SMAD2: variants seen among roughly 807,000 people sequenced by gnomAD.
The protein encoded by SMAD2 is SMAD family member 2.
SMAD2 carries 8 observed loss-of-function variants against 64.4 expected under a neutral mutation model. The observed-to-expected ratio is 0.12, with a 90% CI of 0.07 to 0.22. SMAD2 has a LOEUF of 0.22. Ranked by LOEUF, SMAD2 falls within the 10% of genes least tolerant of loss-of-function variation. SMAD2 has a pLI of 1.00. For synonymous variants in SMAD2, 203 were observed against 195.8 expected, an observed-to-expected ratio of 1.04 and a Z score of -0.31; for missense variants, 289 against 561.2, an observed-to-expected ratio of 0.51 and a Z score of 4.90.
Position 47,836,851 on chromosome 18 carries a change from C to T in SMAD2, c.*4976G>A, listed in dbSNP as rs1274614290. On this transcript the variant is annotated 3_prime_UTR_variant, in exon 11 of 11. Transcript: ENST00000262160. ...TTCCACTCCAAGAGATAATTTGCCCCTCAATCCCTACAAAGTGTAGTCTAA... is the reference window on the plus strand; with the variant it reads ...TTCCACTCCAAGAGATAATTTGCCCTTCAATCCCTACAAAGTGTAGTCTAA... The T allele has an allele frequency of 4.7e-6, 1 of 212,386 alleles. No homozygotes were observed. Among genetic ancestry groups the T allele is most frequent in the Non-Finnish European group, 9.5e-6 (1 of 105,080 alleles). The allele number at this position is 212,386 out of a possible 1,614,324, so 13.2% of individuals were successfully genotyped here. A position where few individuals can be genotyped will look rare whatever the true frequency, so the allele number is the denominator to read the frequency against.
intron 1 of SMAD2, among the ~76,000 whole-genome samples, chr18:47,925,791 G>A (rs967609629): frequency 2.0e-5 from 3 of 152,208 alleles, no homozygotes; most frequent in Non-Finnish European, 4.4e-5. Context: ...ATCTGATGGT[G>A]TAGATGGTTT....
rs750319299 is a variant in SMAD2 at position 47,836,333 on chromosome 18, GTA to G, written c.*5492_*5493del. The G allele has an allele frequency of 3.6e-5, 8 of 223,084 alleles. No individual in the cohort carries two copies. The highest frequency in any genetic ancestry group is 7.2e-5 in the Non-Finnish European group (8 of 111,734). 13.8% of individuals were successfully genotyped at this position (223,084 alleles called of 1,614,324 possible). On this transcript the variant is annotated 3_prime_UTR_variant, in exon 11 of 11. Transcript: ENST00000262160. ...TAGTACATCCCAGAATCTGCTGGAT[GTA>G]TAATAATTTAGTAACGGGGTATATG...
intron 6 of SMAD2, among the ~76,000 whole-genome samples, chr18:47,854,222 T>A (rs1792655): frequency 6.6e-6 from 1 of 151,946 alleles, no homozygotes; most frequent in African/African-American, 2.4e-5. Flanking sequence ...TGAGATCCAG[T>A]GTGAATTAGC....
chr18:47,917,727 G>T (rs1303111867), intron 1 of SMAD2, among the ~76,000 whole-genome samples: 5 of 152,090 alleles, frequency 3.3e-5, no homozygotes, highest in East Asian at 1.9e-4. Flanking sequence ...AAACCATAAA[G>T]AATTTTTTTT....
In SMAD2 at chr18:47,833,720, T is replaced by C. The variant is rs1913138175; in HGVS notation, c.*8107A>G. 4.3e-6 allele frequency: 1 copy of C among 231,124 alleles called. No homozygotes were observed. Among genetic ancestry groups the C allele is most frequent in the East Asian group, 6.1e-5 (1 of 16,422 alleles). The allele number at this position is 231,124 out of a possible 1,614,324, so 14.3% of individuals were successfully genotyped here. On this transcript the variant is annotated 3_prime_UTR_variant, in exon 11 of 11. Transcript: ENST00000262160. ...ACTTGCCATTGGCTGATGCATTTAATCATTTTAACACAACATTCACGGAAA... is the reference window on the plus strand; with the variant it reads ...ACTTGCCATTGGCTGATGCATTTAACCATTTTAACACAACATTCACGGAAA...
intron 2 of SMAD2, among the ~76,000 whole-genome samples, chr18:47,879,317 A>G (rs1423217421): frequency 6.6e-6 from 1 of 152,114 alleles, no homozygotes; most frequent in Non-Finnish European, 1.5e-5. Context: ...ACCCATGTCC[A>G]TTTCTCAATG....
rs1310140689 is a variant in SMAD2 at position 47,814,769 on chromosome 18, G to A, written c.*27058C>T. On this transcript the variant is annotated 3_prime_UTR_variant, in exon 11 of 11. Transcript: ENST00000262160. Reference sequence around the variant, plus strand: ...AGGTGTCTAGTCAGTCTGAGAAAATGTTGGCTTCCCAAAGCTTGAGCAAGA... The same window carrying A: ...AGGTGTCTAGTCAGTCTGAGAAAATATTGGCTTCCCAAAGCTTGAGCAAGA... 2 of 152,258 alleles carry A rather than the reference G, an allele frequency of 1.3e-5. No homozygotes were observed. Among genetic ancestry groups the A allele is most frequent in the Non-Finnish European group, 2.9e-5 (2 of 68,098 alleles). The allele number at this position is 152,258 out of a possible 1,614,324, so 9.4% of individuals were successfully genotyped here.
intron 1 of SMAD2, among the ~76,000 whole-genome samples, chr18:47,904,396 C>T (rs1016135474): frequency 7.3e-5 from 11 of 151,706 alleles, no homozygotes; most frequent in Non-Finnish European, 1.5e-4. Flanking sequence ...AACTTACTTG[C>T]CCATCTCCCA....
At chr18:47,850,308 T>TATTATATATA (rs1491175886) in intron 7 of SMAD2, among the ~76,000 whole-genome samples, 1 of 17,042 alleles carries the variant, frequency 5.9e-5, no homozygotes, top group Non-Finnish European at 1.0e-4. Context: ...ATATATTATG[T>TATTATATATA]ATGTTATATA....
chr18:47,853,656 G>T (rs544845076), intron 6 of SMAD2, among the ~76,000 whole-genome samples: 1 of 152,008 alleles, frequency 6.6e-6, no homozygotes, highest in Non-Finnish European at 1.5e-5. Flanking sequence ...ATAAATAAAT[G>T]AATCAGAGAA....
chr18:47,886,577 CTAT>C (rs201338527), intron 2 of SMAD2, among the ~76,000 whole-genome samples: 2,659 of 130,516 alleles, frequency 0.02, 72 homozygotes, highest in African/African-American at 0.073. Context: ...ATCCATCTAT[CTAT>C]CTATCTATCT....
At chr18:47,850,787 TTA>T (rs1372266541) in intron 7 of SMAD2, among the ~76,000 whole-genome samples, 1 of 7,426 alleles carries the variant, frequency 1.3e-4, no homozygotes, top group African/African-American at 2.4e-4. Flanking sequence ...ATAATATATA[TTA>T]TATATTATAT....
At chr18:47,923,977 A>G (rs996017881) in intron 1 of SMAD2, among the ~76,000 whole-genome samples, 2 of 152,334 alleles carry the variant, frequency 1.3e-5, no homozygotes, top group East Asian at 3.9e-4. Flanking sequence ...GGCCGGGCGC[A>G]GTGGCTCACG....
At chr18:47,893,408 T>G (rs1039041756) in intron 2 of SMAD2, among the ~76,000 whole-genome samples, 13 of 152,364 alleles carry the variant, frequency 8.5e-5, no homozygotes, top group Non-Finnish European at 1.6e-4. Flanking sequence ...AGAAAACATT[T>G]GCCATTTCTT....
At chr18:47,911,875 T>C (rs2034150421) in intron 1 of SMAD2, among the ~76,000 whole-genome samples, 1 of 152,216 alleles carries the variant, frequency 6.6e-6, no homozygotes. Flanking sequence ...TACCAACTAA[T>C]AACCTGGGAC....
Position 47,841,185 on chromosome 18 carries a change from A to G in SMAD2, c.*642T>C, listed in dbSNP as rs1208638567. On this transcript the variant is annotated 3_prime_UTR_variant, in exon 11 of 11. Coordinates refer to ENST00000262160, the MANE Select transcript of SMAD2 (RefSeq NM_005901.6). ...AAAAAAACAAAAAACCACAAAAAGA[A>G]TGACTGTTTAAGCCCCACTGAACAC... 4.3e-6 allele frequency: 1 copy of G among 232,578 alleles called. No homozygotes were observed. The highest frequency in any genetic ancestry group is 8.5e-6 in the Non-Finnish European group (1 of 117,808). The allele number at this position is 232,578 out of a possible 1,614,324, so 14.4% of individuals were successfully genotyped here.
chr18:47,923,426 G>A lies in SMAD2; in HGVS notation c.-54+6935C>T, dbSNP rs577946108. ...TTATACAATGATGTAAATGTCCTTG[G>A]GTATCTGTGCTGTCTAATACAGTAG... On this transcript the variant is annotated intron_variant, in intron 1 of 10. Coordinates refer to ENST00000262160, the MANE Select transcript of SMAD2 (RefSeq NM_005901.6). 2.0e-5 allele frequency: 3 copies of A among 152,266 alleles called. No homozygotes were observed. In the East Asian group the frequency reaches 5.8e-4, roughly 29 times the overall value. 9.4% of individuals were successfully genotyped at this position (152,266 alleles called of 1,614,324 possible).
intron 1 of SMAD2, among the ~76,000 whole-genome samples, chr18:47,910,481 G>A (rs930006119): frequency 1.3e-5 from 2 of 152,184 alleles, no homozygotes; most frequent in Admixed American, 1.3e-4. Context: ...AAAGGTGTAA[G>A]GAGGACTGGT....
At chr18:47,900,648 TCTA>T (rs2033647751) in intron 1 of SMAD2, among the ~76,000 whole-genome samples, 1 of 152,150 alleles carries the variant, frequency 6.6e-6, no homozygotes, top group South Asian at 2.1e-4. Flanking sequence ...TTTCTTTACT[TCTA>T]CTGTCTTTAG....
Sources: allele counts gnomAD v4.1 joint callset (sites outside exome capture counted in the v4.1 genomes callset), GRCh38; gene constraint gnomAD v4.1.1; transcripts MANE v1.5; gene names NCBI Gene and HGNC (gene_info 2026-07-23, HGNC 2026-07-21).